Variants in WWOX observed in about 807,000 individuals in gnomAD.
WWOX encodes WW domain containing oxidoreductase, also known as WW domain-containing oxidoreductase.
WWOX carries 69 observed loss-of-function variants against 46.2 expected under a neutral mutation model. The ratio of observed to expected loss-of-function variants is 1.49; its 90% CI spans 1.23 to 1.82. WWOX has a LOEUF of 1.82. Ranked by LOEUF, WWOX falls within the 40% of genes most tolerant of loss-of-function variation. The pLI, the probability that WWOX is intolerant of heterozygous loss-of-function variation, is 0.00. For synonymous variants in WWOX, 359 were observed against 202.6 expected, an observed-to-expected ratio of 1.77 and a Z score of -6.56; for missense variants, 919 against 542.6, an observed-to-expected ratio of 1.69 and a Z score of -6.89.
chr16:78,714,785 A>C (rs551137083), intron 8 of WWOX, among the ~76,000 whole-genome samples: 1 of 152,326 alleles, frequency 6.6e-6, no homozygotes, highest in South Asian at 2.1e-4. Flanking sequence ...GTCTGATCAC[A>C]CAGAGCCTTG....
intron 8 of WWOX, among the ~76,000 whole-genome samples, chr16:78,555,261 T>C (rs2044267590): frequency 6.6e-6 from 1 of 151,990 alleles, no homozygotes; most frequent in South Asian, 2.1e-4. Flanking sequence ...TCCTATACTG[T>C]CCGGGGAAAG....
At chr16:78,810,297 A>G (rs561129661) in intron 8 of WWOX, among the ~76,000 whole-genome samples, 1 of 152,348 alleles carries the variant, frequency 6.6e-6, no homozygotes, top group African/African-American at 2.4e-5. Flanking sequence ...ATGGCAGCTT[A>G]GCTATGAAAT....
intron 8 of WWOX, among the ~76,000 whole-genome samples, chr16:78,574,530 C>G (rs1454335575): frequency 6.6e-6 from 1 of 152,120 alleles, no homozygotes; most frequent in Non-Finnish European, 1.5e-5. Flanking sequence ...CCATGAATGT[C>G]TTATGGCCTG....
chr16:78,704,332 C>T (rs887334088), intron 8 of WWOX, among the ~76,000 whole-genome samples: 1 of 152,166 alleles, frequency 6.6e-6, no homozygotes, highest in South Asian at 2.1e-4. Flanking sequence ...GATGTCAGCA[C>T]ATGACCTACC....
intron 8 of WWOX, among the ~76,000 whole-genome samples, chr16:78,968,640 C>T (rs1035852983): frequency 5.3e-5 from 8 of 152,298 alleles, no homozygotes; most frequent in African/African-American, 1.7e-4. Context: ...ACAAAAAGCA[C>T]AAGCCCCAGC....
At chr16:78,601,441 G>A (rs200526164) in intron 8 of WWOX, among the ~76,000 whole-genome samples, 55 of 143,982 alleles carry the variant, frequency 3.8e-4, no homozygotes, top group Non-Finnish European at 2.9e-4. Flanking sequence ...CCAGCAGAGA[G>A]AAAAAAAAAA....
At chr16:78,601,514 C>G (rs894280454) in intron 8 of WWOX, among the ~76,000 whole-genome samples, 2 of 151,956 alleles carry the variant, frequency 1.3e-5, no homozygotes, top group Non-Finnish European at 2.9e-5. Flanking sequence ...TATTCACACA[C>G]ACATACCCCA....
At chr16:78,880,323 C>G (rs186286636) in intron 8 of WWOX, among the ~76,000 whole-genome samples, 3 of 152,156 alleles carry the variant, frequency 2.0e-5, no homozygotes, top group African/African-American at 2.4e-5. Context: ...TTCACCCGTA[C>G]CTGTGGAAAT....
chr16:79,120,820 G>T (rs1049255198), intron 8 of WWOX, among the ~76,000 whole-genome samples: 45 of 152,188 alleles, frequency 3.0e-4, no homozygotes, highest in African/African-American at 1.1e-3. Flanking sequence ...CCCGGCTGGA[G>T]TGCAGTGGCA....
At chr16:78,318,698 A>G (rs543846146) in intron 5 of WWOX, among the ~76,000 whole-genome samples, 159 of 152,328 alleles carry the variant, frequency 1.0e-3, no homozygotes, top group African/African-American at 3.7e-3. Flanking sequence ...TGTACTGTAC[A>G]TACATAATTT....
chr16:78,957,731 T>C (rs535525106), intron 8 of WWOX, among the ~76,000 whole-genome samples: 12 of 152,196 alleles, frequency 7.9e-5, no homozygotes, highest in Non-Finnish European at 1.6e-4. Flanking sequence ...GGAGAAGAAC[T>C]TTTCTTTGGC....
chr16:78,743,074 C>G (rs562346012), intron 8 of WWOX, among the ~76,000 whole-genome samples: 1 of 152,094 alleles, frequency 6.6e-6, no homozygotes, highest in East Asian at 2.0e-4. Context: ...GAAGTGAACC[C>G]GATCAGCCCC....
chr16:78,332,504 T>G (rs923405584), intron 5 of WWOX, among the ~76,000 whole-genome samples: 3 of 152,142 alleles, frequency 2.0e-5, no homozygotes, highest in Non-Finnish European at 4.4e-5. Context: ...CGAGATCTTT[T>G]GGGTACATGC....
At chr16:78,695,226 C>CTAT (rs996707996) in intron 8 of WWOX, among the ~76,000 whole-genome samples, 124 of 151,786 alleles carry the variant, frequency 8.2e-4, no homozygotes, top group African/African-American at 1.8e-3. Context: ...TGTTATTATT[C>CTAT]TATTATTATT....
intron 8 of WWOX, among the ~76,000 whole-genome samples, chr16:78,946,836 A>G (rs2045958590): frequency 2.0e-5 from 3 of 152,142 alleles, no homozygotes; most frequent in South Asian, 4.1e-4. Flanking sequence ...CAAGGACAAG[A>G]GGGCGTCACG....
At chr16:78,530,186 C>G (rs554401501) in intron 8 of WWOX, among the ~76,000 whole-genome samples, 51 of 152,156 alleles carry the variant, frequency 3.4e-4, no homozygotes, top group Non-Finnish European at 5.6e-4. Flanking sequence ...ATGCCCGTGA[C>G]CCCTGAAACC....
At chr16:79,146,558 T>A (rs2050186204) in intron 8 of WWOX, among the ~76,000 whole-genome samples, 1 of 152,130 alleles carries the variant, frequency 6.6e-6, no homozygotes, top group African/African-American at 2.4e-5. Context: ...AAGCTTCATT[T>A]CCTCTCCCAC....
At chr16:78,316,490 C>T (rs924825624) in intron 5 of WWOX, among the ~76,000 whole-genome samples, 14 of 151,982 alleles carry the variant, frequency 9.2e-5, no homozygotes, top group African/African-American at 2.4e-4. Flanking sequence ...TTACAGGTGC[C>T]TGCCACTATG....
At chr16:79,172,020 C>T (rs906794363) in intron 8 of WWOX, among the ~76,000 whole-genome samples, 4 of 152,114 alleles carry the variant, frequency 2.6e-5, no homozygotes, top group Admixed American at 6.5e-5. Context: ...CTCAGGAACA[C>T]GGAGCTCCTG....
Sources: gnomAD v4.1 joint callset for allele counts (sites outside exome capture counted in the v4.1 genomes callset) on GRCh38, gnomAD v4.1.1 for gene constraint, MANE v1.5 for transcripts, NCBI Gene and HGNC (gene_info 2026-07-23, HGNC 2026-07-21) for gene names.